Variants in RBM28 observed in about 807,000 individuals in gnomAD.
RBM28 encodes RNA binding motif protein 28.
RBM28 carries 78 observed loss-of-function variants against 98.3 expected under a neutral mutation model. The observed-to-expected ratio is 0.79, with a 90% CI of 0.66 to 0.96. The LOEUF (loss-of-function observed/expected upper bound fraction) is 0.96, where lower values mean the gene tolerates loss of function less well. Among genes scored for constraint, RBM28 ranks in the 40% least tolerant of loss-of-function variants. RBM28 has a pLI of 0.00. For synonymous variants in RBM28, 306 were observed against 330.9 expected (o/e 0.92, Z 0.82); for missense variants, 838 against 913.0 (o/e 0.92, Z 1.06).
At chr7:128,342,158 C>T (rs1361506727) in intron 1 of RBM28, among the ~76,000 whole-genome samples, 1 of 151,996 alleles carries the variant, frequency 6.6e-6, no homozygotes, top group Non-Finnish European at 1.5e-5. Flanking sequence ...AGAGCAAGAC[C>T]CTGTTTCTAA....
chr7:128,308,997 T>G lies in RBM28; in HGVS notation c.*1800A>C, dbSNP rs377554041. On this transcript the variant is annotated 3_prime_UTR_variant, in exon 19 of 19. Coordinates refer to ENST00000223073, the MANE Select transcript of RBM28 (RefSeq NM_018077.3). ...CTCAAAAAAAAAAAAAAAAAAGAAA[T>G]AACCATATCTCTAGCTCAGCAATGG... 3.3e-5 allele frequency: 2 copies of G among 60,014 alleles called. No homozygotes were observed. Among genetic ancestry groups the G allele is most frequent in the African/African-American group, 5.8e-5 (1 of 17,360 alleles). The allele number at this position is 60,014 out of a possible 1,614,324, so 3.7% of individuals were successfully genotyped here. A position where few individuals can be genotyped will look rare whatever the true frequency, so the allele number is the denominator to read the frequency against.
chr7:128,332,551 C>T (rs1015812527), intron 9 of RBM28, among the ~76,000 whole-genome samples: 1 of 152,016 alleles, frequency 6.6e-6, no homozygotes, highest in Non-Finnish European at 1.5e-5. Flanking sequence ...AATGGGGTTT[C>T]ACCATGTTGG....
intron 10 of RBM28, among the ~76,000 whole-genome samples, chr7:128,328,639 T>C (rs1796405778): frequency 6.6e-6 from 1 of 152,210 alleles, no homozygotes; most frequent in Non-Finnish European, 1.5e-5. Flanking sequence ...TAACCCAATA[T>C]ACTACTGCAC....
rs1013143240 is a variant in RBM28, at chr7:128,309,748, G to A, written c.*1049C>T. 7 of 152,168 alleles carry A rather than the reference G, an allele frequency of 4.6e-5. No homozygotes were observed. Among genetic ancestry groups the A allele is most frequent in the African/African-American group, 1.7e-4 (7 of 41,408 alleles). 9.4% of individuals were successfully genotyped at this position (152,168 alleles called of 1,614,324 possible). ...TAGTCTGGGAAGAGCTCCAGGAGGA[G>A]GCGACAACTAGTGGAGATCTGAGTG... On this transcript the variant is annotated 3_prime_UTR_variant, in exon 19 of 19. Coordinates refer to ENST00000223073, the MANE Select transcript of RBM28 (RefSeq NM_018077.3).
intron 16 of RBM28, 90 bp from the exon 17 acceptor site, chr7:128,315,110 A>G: frequency 6.4e-7 from 1 of 1,556,652 alleles, no homozygotes; most frequent in Non-Finnish European, 8.8e-7. Context: ...TGTGAGCTAG[A>G]TGAAAGAAGA....
intron 13 of RBM28, among the ~76,000 whole-genome samples, chr7:128,323,281 G>T (rs1194066184): frequency 6.6e-6 from 1 of 152,164 alleles, no homozygotes; most frequent in East Asian, 1.9e-4. Flanking sequence ...AACATTTACT[G>T]CCAAGCACTA....
rs111447351 is a variant in RBM28, at chr7:128,330,662, G to A, written c.1129+157C>T. 5.8e-3 allele frequency among the ~76,000 whole-genome samples: 882 copies of A among 152,240 alleles called. 9 individuals are homozygous for A. Among genetic ancestry groups the A allele is most frequent in the African/African-American group, 0.02 (813 of 41,542 alleles). ...GCTGGGATTACAGGCGTGAGCCAGCGTGCCCGGCGTCCCTGGTACTTTTAT... is the reference window on the plus strand; with the variant it reads ...GCTGGGATTACAGGCGTGAGCCAGCATGCCCGGCGTCCCTGGTACTTTTAT... On this transcript the variant is annotated intron_variant, in intron 10 of 18. Coordinates refer to ENST00000223073, the MANE Select transcript of RBM28 (RefSeq NM_018077.3).
At chr7:128,339,590 C>T (rs1003019871) in intron 2 of RBM28, 43 bp downstream of exon 2, 2 of 1,594,346 alleles carry the variant, frequency 1.3e-6, no homozygotes, top group African/African-American at 1.3e-5. Context: ...AGTGCTCCTC[C>T]TCACCCTGGG....
chr7:128,324,494 G>A (rs1796302387), intron 12 of RBM28, 65 bp downstream of exon 12: 2 of 1,605,588 alleles, frequency 1.2e-6, no homozygotes, highest in Non-Finnish European at 1.7e-6. Flanking sequence ...GCATACTATT[G>A]CTTGATCAAT....
intron 1 of RBM28, 130 bp from the exon 2 acceptor site, chr7:128,339,921 T>C: frequency 8.9e-7 from 1 of 1,119,636 alleles, no homozygotes; most frequent in East Asian, 2.6e-5. Flanking sequence ...CATCTTGCTA[T>C]CAGTTTGCCA....
intron 13 of RBM28, among the ~76,000 whole-genome samples, chr7:128,321,794 T>A (rs1427079419): frequency 6.6e-6 from 1 of 152,106 alleles, no homozygotes; most frequent in African/African-American, 2.4e-5. Context: ...ATGCCTGTAA[T>A]CCGAGCACTT....
chr7:128,303,273 G>A lies in RBM28; in HGVS notation c.*7524C>T, dbSNP rs1399707583. The A allele has an allele frequency of 6.6e-6, 1 of 152,220 alleles. No homozygotes were observed. The highest frequency in any genetic ancestry group is 6.5e-5 in the Admixed American group (1 of 15,276). The allele number at this position is 152,220 out of a possible 1,614,324, so 9.4% of individuals were successfully genotyped here. A position where few individuals can be genotyped will look rare whatever the true frequency, so the allele number is the denominator to read the frequency against. On this transcript the variant is annotated 3_prime_UTR_variant, in exon 19 of 19. Transcript: ENST00000223073. Reference sequence around the variant, plus strand: ...TCACGGCCAAGTGGGACCTTGCTCTGGTACTAGCTCAGGTGGCCAAGGGGT... The same window carrying A: ...TCACGGCCAAGTGGGACCTTGCTCTAGTACTAGCTCAGGTGGCCAAGGGGT...
rs1363043903 is a variant in RBM28, at chr7:128,335,921, C to A, written c.735G>T (p.Gly245=). Residue 245 remains glycine (G), a synonymous_variant, in exon 7 of 19, where the codon GGG becomes GGT. Transcript: ENST00000223073. ...CCTCTTCATCTTCATCATCAAAAAC[C>A]CCATCTTCTTCATCATCATCATCGT... ...DDDDDDDEED[G]VFDDEDEEEE... The A allele has an allele frequency of 6.2e-7, 1 of 1,610,508 alleles. No homozygotes were observed. Among genetic ancestry groups the A allele is most frequent in the Admixed American group, 1.7e-5 (1 of 59,988 alleles).
At position 128,338,343 on chromosome 7, in the gene RBM28, C is replaced by T; in HGVS notation, c.449-1G>A. The T allele has an allele frequency of 6.2e-7, 1 of 1,613,368 alleles. No individual in the cohort carries two copies. Among genetic ancestry groups the T allele is most frequent in the Non-Finnish European group, 8.5e-7 (1 of 1,179,280 alleles). On this transcript the variant is annotated splice_acceptor_variant, in intron 4 of 18. Coordinates refer to ENST00000223073, the MANE Select transcript of RBM28 (RefSeq NM_018077.3). LOFTEE classifies it high-confidence loss of function. ...AAACCAAAACCGCGCATCTTCCCAT[C>T]TGTGTGCAAATGCACAAAGAAAGAA... is the stretch of plus-strand genomic sequence containing the variant.
chr7:128,310,925 T>G lies in RBM28; in HGVS notation c.2152A>C (p.Arg718=). Residue 718 remains arginine, a synonymous_variant, in exon 19 of 19, where the codon AGG becomes CGG. Transcript: ENST00000223073. ...KQQLSSEQVS[R]KKAKGNKTET... is the part of the protein sequence containing the mutation. Reference sequence around the variant, plus strand: ...GTCTTATTTCCCTTAGCTTTTTTCCTAGATACCTACAAATGAAAGGATTAG... The same window carrying G: ...GTCTTATTTCCCTTAGCTTTTTTCCGAGATACCTACAAATGAAAGGATTAG... 1 of 1,612,822 alleles carries G rather than the reference T, an allele frequency of 6.2e-7. No homozygotes were observed. The highest frequency in any genetic ancestry group is 8.5e-7 in the Non-Finnish European group (1 of 1,178,760).
Position 128,299,107 on chromosome 7 carries a change from AT to A in RBM28, c.*11689del, listed in dbSNP as rs1795747924. 2 of 152,050 alleles carry A rather than the reference AT, an allele frequency of 1.3e-5. No individual in the cohort carries two copies. Among genetic ancestry groups the A allele is most frequent in the Admixed American group, 1.3e-4 (2 of 15,258 alleles). 9.4% of individuals were successfully genotyped at this position (152,050 alleles called of 1,614,324 possible). On this transcript the variant is annotated 3_prime_UTR_variant, in exon 19 of 19. Coordinates refer to ENST00000223073, the MANE Select transcript of RBM28 (RefSeq NM_018077.3). ...ACTATCTCTGCAAGAAGAGTTTGTTATGCAGTTCCCAGGAGGAGAGGTGTGT... is the reference window on the plus strand; with the variant it reads ...ACTATCTCTGCAAGAAGAGTTTGTTAGCAGTTCCCAGGAGGAGAGGTGTGT...
rs2116295336 is a variant in RBM28 at position 128,301,365 on chromosome 7, G to A, written c.*9432C>T. 6.6e-6 allele frequency: 1 copy of A among 152,420 alleles called. No homozygotes were observed. Among genetic ancestry groups the A allele is most frequent in the East Asian group, 1.9e-4 (1 of 5,184 alleles). The allele number at this position is 152,420 out of a possible 1,614,324, so 9.4% of individuals were successfully genotyped here. A position where few individuals can be genotyped will look rare whatever the true frequency, so the allele number is the denominator to read the frequency against. On this transcript the variant is annotated 3_prime_UTR_variant, in exon 19 of 19. Transcript: ENST00000223073. ...TACCTGTGTCACCACAGCCTCCTGG[G>A]GAGATGGCTGTGAAAGTGGGCAAAG...
intron 10 of RBM28, among the ~76,000 whole-genome samples, chr7:128,328,141 G>T (rs1796394540): frequency 6.6e-6 from 1 of 152,128 alleles, no homozygotes. Flanking sequence ...CAGGAAAAAT[G>T]ACCACAATTC....
In RBM28 at chr7:128,343,844, C is replaced by T; in HGVS notation, c.-51G>A. The T allele has an allele frequency of 2.2e-6, 3 of 1,353,816 alleles. No homozygotes were observed. Among genetic ancestry groups the T allele is most frequent in the Non-Finnish European group, 3.0e-6 (3 of 990,590 alleles). The allele number at this position is 1,353,816 out of a possible 1,614,324, so 83.9% of individuals were successfully genotyped here. ...AGGACGCGAGCAAACTAGGCCGGCG[C>T]ACGCGAGCCGAAACGCTGGCTTTGG... On this transcript the variant is annotated 5_prime_UTR_variant, in exon 1 of 19. Coordinates refer to ENST00000223073, the MANE Select transcript of RBM28 (RefSeq NM_018077.3).
Sources: allele counts gnomAD v4.1 joint callset (sites outside exome capture counted in the v4.1 genomes callset), GRCh38; gene constraint gnomAD v4.1.1; transcripts MANE v1.5; gene names NCBI Gene and HGNC (gene_info 2026-07-23, HGNC 2026-07-21).